PCSK2: variants seen among roughly 807,000 people sequenced by gnomAD.
PCSK2 encodes proprotein convertase subtilisin/kexin type 2.
Under a neutral mutation model 69.7 loss-of-function variants are expected in PCSK2, and 14 were observed. The ratio of observed to expected loss-of-function variants is 0.20; its 90% CI spans 0.13 to 0.31. The LOEUF (loss-of-function observed/expected upper bound fraction) is 0.31. Ranked by LOEUF, PCSK2 falls within the 10% of genes least tolerant of loss-of-function variation. The probability of loss-of-function intolerance (pLI) is 1.00; values close to 1 mark genes in which losing one functional copy is unlikely to be tolerated. For synonymous variants in PCSK2, 307 were observed against 320.7 expected (o/e 0.96, Z 0.46); for missense variants, 544 against 842.5 (o/e 0.65, Z 4.39).
chr20:17,440,318 G>A (rs976589708), intron 8 of PCSK2, among the ~76,000 whole-genome samples: 18 of 152,152 alleles, frequency 1.2e-4, no homozygotes, highest in African/African-American at 3.6e-4. Context: ...GTTGCTCTAC[G>A]TGATCTTGAG....
chr20:17,230,412 C>G (rs151324566), intron 1 of PCSK2, among the ~76,000 whole-genome samples: 1 of 152,244 alleles, frequency 6.6e-6, no homozygotes, highest in Non-Finnish European at 1.5e-5. Context: ...ACCTTAAGGC[C>G]TTGAGAAGTT....
intron 2 of PCSK2, among the ~76,000 whole-genome samples, chr20:17,295,213 A>C (rs1368407653): frequency 6.8e-6 from 1 of 146,184 alleles, no homozygotes; most frequent in Admixed American, 6.9e-5. Flanking sequence ...ATACGCAGTT[A>C]ACACACACAC....
intron 8 of PCSK2, among the ~76,000 whole-genome samples, chr20:17,452,169 C>T (rs961440011): frequency 8.6e-5 from 13 of 151,912 alleles, no homozygotes; most frequent in Middle Eastern, 3.2e-3. Context: ...CATGAACCAC[C>T]GCGCCCGGCC....
chr20:17,286,856 A>G (rs1988526696), intron 2 of PCSK2, among the ~76,000 whole-genome samples: 1 of 152,234 alleles, frequency 6.6e-6, no homozygotes, highest in African/African-American at 2.4e-5. Flanking sequence ...CCAGAAAAAC[A>G]GAAGCAATAG....
intron 5 of PCSK2, among the ~76,000 whole-genome samples, chr20:17,395,457 T>A (rs1291217943): frequency 6.6e-6 from 1 of 152,166 alleles, no homozygotes; most frequent in Non-Finnish European, 1.5e-5. Flanking sequence ...GAGCTGCAGA[T>A]GTCATGCAGT....
chr20:17,406,840 C>G (rs544448257), intron 5 of PCSK2, among the ~76,000 whole-genome samples: 1 of 152,344 alleles, frequency 6.6e-6, no homozygotes, highest in East Asian at 1.9e-4. Context: ...GGTTTTGCCC[C>G]TGTCCTCCCT....
intron 5 of PCSK2, among the ~76,000 whole-genome samples, chr20:17,389,953 T>C (rs189266943): frequency 1.3e-4 from 20 of 152,316 alleles, no homozygotes; most frequent in Admixed American, 9.8e-4. Flanking sequence ...GTTTATAAAA[T>C]GGCATATACA....
At chr20:17,419,238 A>G (rs1012365196) in intron 6 of PCSK2, among the ~76,000 whole-genome samples, 3 of 152,238 alleles carry the variant, frequency 2.0e-5, no homozygotes, top group African/African-American at 7.2e-5. Context: ...TGTGTATATT[A>G]GAATAGCTTG....
intron 2 of PCSK2, among the ~76,000 whole-genome samples, chr20:17,347,882 A>AGAG (rs1568612262): frequency 3.9e-4 from 2 of 5,188 alleles, no homozygotes; most frequent in Non-Finnish European, 1.3e-3. Context: ...AAAAGAAAGA[A>AGAG]AGAAAGAAAG....
chr20:17,410,992 A>T (rs2031859394), intron 6 of PCSK2, among the ~76,000 whole-genome samples: 1 of 152,248 alleles, frequency 6.6e-6, no homozygotes, highest in Non-Finnish European at 1.5e-5. Context: ...AAGCACAAAA[A>T]TATAACCAAT....
intron 5 of PCSK2, among the ~76,000 whole-genome samples, chr20:17,400,321 C>T (rs558959258): frequency 6.6e-6 from 1 of 152,274 alleles, no homozygotes; most frequent in East Asian, 1.9e-4. Flanking sequence ...AGATTGCACA[C>T]TTAGGAGAGA....
intron 2 of PCSK2, among the ~76,000 whole-genome samples, chr20:17,330,403 C>T (rs1453476946): frequency 6.6e-6 from 1 of 151,990 alleles, no homozygotes; most frequent in African/African-American, 2.4e-5. Context: ...ACCAGCCTGA[C>T]CAACATGGCG....
At chr20:17,279,543 C>T (rs879885682) in intron 2 of PCSK2, among the ~76,000 whole-genome samples, 49 of 151,876 alleles carry the variant, frequency 3.2e-4, no homozygotes, top group Middle Eastern at 3.4e-3. Context: ...TGGTGGCTCA[C>T]GCCTGTAATC....
chr20:17,295,858 T>C (rs1988875069), intron 2 of PCSK2, among the ~76,000 whole-genome samples: 1 of 152,158 alleles, frequency 6.6e-6, no homozygotes, highest in South Asian at 2.1e-4. Flanking sequence ...GTCTGGCCTC[T>C]CACTTTTACA....
At chr20:17,300,633 T>C (rs558572458) in intron 2 of PCSK2, among the ~76,000 whole-genome samples, 1 of 152,332 alleles carries the variant, frequency 6.6e-6, no homozygotes, top group African/African-American at 2.4e-5. Flanking sequence ...CAAGGGAAAG[T>C]TGAACTTTAT....
intron 2 of PCSK2, among the ~76,000 whole-genome samples, chr20:17,357,964 A>G (rs184255395): frequency 6.6e-6 from 1 of 152,010 alleles, no homozygotes; most frequent in African/African-American, 2.4e-5. Context: ...TTGAGTCATC[A>G]CCAAAGCCTG....
In PCSK2 at chr20:17,453,610, A is replaced by C; in HGVS notation, c.886-132A>C. 1 of 844,142 alleles carries C rather than the reference A, an allele frequency of 1.2e-6. No individual in the cohort carries two copies. The highest frequency in any genetic ancestry group is 1.7e-5 in the African/African-American group (1 of 58,834). The allele number at this position is 844,142 out of a possible 1,614,324, so 52.3% of individuals were successfully genotyped here. ...CCCTGCCAGAAGGATATGGTGTCCA[A>C]CCCAGTTTAAAAAGTGCACCCAGTC... On this transcript the variant is annotated intron_variant, in intron 8 of 11. Coordinates refer to ENST00000262545, the MANE Select transcript of PCSK2 (RefSeq NM_002594.5). This position sits in a 1 kb window ranked among gnomAD's most constrained non-coding sequence, Gnocchi z 4.0.
intron 8 of PCSK2, among the ~76,000 whole-genome samples, chr20:17,442,995 A>T (rs556765595): frequency 7.9e-4 from 120 of 152,290 alleles, no homozygotes; most frequent in African/African-American, 2.8e-3. Context: ...GTTTCCCCAA[A>T]ATGACAAGTT....
At chr20:17,303,318 A>T in intron 2 of PCSK2, among the ~76,000 whole-genome samples, 1 of 136,210 alleles carries the variant, frequency 7.3e-6, no homozygotes, top group African/African-American at 2.7e-5. Context: ...TATTATAACC[A>T]TATATATCTA....
Sources: allele counts gnomAD v4.1 joint callset (sites outside exome capture counted in the v4.1 genomes callset), GRCh38; gene constraint gnomAD v4.1.1; non-coding constraint Gnocchi (gnomAD v3.1); transcripts MANE v1.5; gene names NCBI Gene and HGNC (gene_info 2026-07-23, HGNC 2026-07-21).